Variants in CAMK1D observed in about 807,000 individuals in gnomAD.
CAMK1D encodes the protein calcium/calmodulin-dependent protein kinase type 1D.
A neutral mutation model predicts 47.7 loss-of-function variants in CAMK1D; 9 were observed. The ratio of observed to expected loss-of-function variants is 0.19; its 90% CI spans 0.11 to 0.33. The LOEUF (loss-of-function observed/expected upper bound fraction) is 0.33, where lower values mean the gene tolerates loss of function less well. CAMK1D is among the 10% of genes least tolerant of loss of function. CAMK1D has a pLI of 1.00. For missense variants in CAMK1D, 291 were observed against 488.7 expected (o/e 0.60, Z 3.81); for synonymous variants, 184 against 184.9 (o/e 0.99, Z 0.04).
chr10:12,513,415 A>G lies in CAMK1D; in HGVS notation c.93-39810A>G, dbSNP rs76696646. Among the ~76,000 whole-genome samples, 461 of 152,282 alleles carry G rather than the reference A, an allele frequency of 3.0e-3. 1 individual carries two copies. The highest frequency in any genetic ancestry group is 6.8e-3 in the Middle Eastern group (2 of 294). On this transcript the variant is annotated intron_variant, in intron 1 of 10. Coordinates refer to ENST00000619168, the MANE Select transcript of CAMK1D (RefSeq NM_153498.4). ...AACCTGTAGTTGGTCAAGTCATACAATGTGCAGTGGGCCTATAAAGTAAGG... is the reference window on the plus strand; with the variant it reads ...AACCTGTAGTTGGTCAAGTCATACAGTGTGCAGTGGGCCTATAAAGTAAGG...
intron 3 of CAMK1D, among the ~76,000 whole-genome samples, chr10:12,712,398 G>A (rs1833971254): frequency 6.6e-6 from 1 of 152,202 alleles, no homozygotes; most frequent in African/African-American, 2.4e-5. Flanking sequence ...GGTGAAGAAG[G>A]GTGTCTTAGC....
chr10:12,456,806 G>A (rs1175128284), intron 1 of CAMK1D, among the ~76,000 whole-genome samples: 2 of 137,138 alleles, frequency 1.5e-5, no homozygotes, highest in East Asian at 2.2e-4. Flanking sequence ...CCTTTTTATA[G>A]CACCTAACAG....
intron 2 of CAMK1D, among the ~76,000 whole-genome samples, chr10:12,631,933 C>G (rs1383605530): frequency 6.6e-6 from 1 of 152,192 alleles, no homozygotes; most frequent in Non-Finnish European, 1.5e-5. Context: ...CTCTTCCCAG[C>G]CCTGGCACAC....
chr10:12,776,710 A>G (rs1412063625), intron 5 of CAMK1D, among the ~76,000 whole-genome samples: 1 of 129,938 alleles, frequency 7.7e-6, no homozygotes, highest in African/African-American at 2.6e-5. Flanking sequence ...TAACCCACCG[A>G]TTTTCTCTGA....
At chr10:12,373,466 T>G (rs1838065382) in intron 1 of CAMK1D, among the ~76,000 whole-genome samples, 1 of 151,822 alleles carries the variant, frequency 6.6e-6, no homozygotes, top group African/African-American at 2.4e-5. Flanking sequence ...ACCCCGTCTC[T>G]ACTAAAGATG....
intron 1 of CAMK1D, among the ~76,000 whole-genome samples, chr10:12,536,545 C>G (rs973338194): frequency 6.6e-6 from 1 of 152,216 alleles, no homozygotes; most frequent in Non-Finnish European, 1.5e-5. Flanking sequence ...TCCCACAGTG[C>G]TGGGATTACA....
chr10:12,366,906 A>G (rs1346487130), intron 1 of CAMK1D, among the ~76,000 whole-genome samples: 1 of 152,128 alleles, frequency 6.6e-6, no homozygotes, highest in African/African-American at 2.4e-5. Flanking sequence ...AGTCTTCGTG[A>G]GCACAGTGGG....
chr10:12,642,048 T>TAAAAA, intron 2 of CAMK1D, among the ~76,000 whole-genome samples: 1 of 133,302 alleles, frequency 7.5e-6, no homozygotes, highest in African/African-American at 2.8e-5. Flanking sequence ...TTTCTCAGAA[T>TAAAAA]AAAAAAAAAA....
rs1271006654 is a variant in CAMK1D at position 12,834,867 on chromosome 10, G to A, written c.*5980G>A. On this transcript the variant is annotated 3_prime_UTR_variant, in exon 11 of 11. Transcript: ENST00000619168. Reference sequence around the variant, plus strand: ...TGCACTTCAGGGCACAGGGGCCCTGGGACGTGGTTGGCAGCCAGGCTGCGA... The same window carrying A: ...TGCACTTCAGGGCACAGGGGCCCTGAGACGTGGTTGGCAGCCAGGCTGCGA... The A allele has an allele frequency of 3.3e-5, 5 of 152,130 alleles. No individual in the cohort carries two copies. The allele number at this position is 152,130 out of a possible 1,614,324, so 9.4% of individuals were successfully genotyped here. A position where few individuals can be genotyped will look rare whatever the true frequency, so the allele number is the denominator to read the frequency against.
chr10:12,389,932 A>G (rs1458640151), intron 1 of CAMK1D, among the ~76,000 whole-genome samples: 2 of 152,090 alleles, frequency 1.3e-5, no homozygotes, highest in African/African-American at 4.8e-5. Flanking sequence ...TGAGCCTCAA[A>G]GAGAAGGCTA....
At chr10:12,828,143 C>T (rs1833322972) in intron 10 of CAMK1D, among the ~76,000 whole-genome samples, 1 of 152,192 alleles carries the variant, frequency 6.6e-6, no homozygotes, top group African/African-American at 2.4e-5. Flanking sequence ...ATGTAGTCAA[C>T]ACTAGCCTGG....
At chr10:12,523,952 C>T (rs11257852) in intron 1 of CAMK1D, among the ~76,000 whole-genome samples, 77,148 of 151,368 alleles carry the variant, frequency 0.51, 19,834 homozygotes, top group South Asian at 0.62. Flanking sequence ...CCAGGCTTGG[C>T]GCGATCTCGG....
chr10:12,770,470 G>T (rs148918829), intron 5 of CAMK1D, among the ~76,000 whole-genome samples: 4 of 152,170 alleles, frequency 2.6e-5, no homozygotes, highest in Non-Finnish European at 5.9e-5. Flanking sequence ...TGACATCAGC[G>T]TATTCATGCA....
chr10:12,473,227 G>A (rs374252092), intron 1 of CAMK1D, among the ~76,000 whole-genome samples: 1 of 152,108 alleles, frequency 6.6e-6, no homozygotes, highest in African/African-American at 2.4e-5. Context: ...AGTTGCACTT[G>A]GAAAAAGTAG....
intron 1 of CAMK1D, among the ~76,000 whole-genome samples, chr10:12,550,134 C>T (rs1836530734): frequency 6.6e-6 from 1 of 152,174 alleles, no homozygotes; most frequent in South Asian, 2.1e-4. Flanking sequence ...TGGCTGTGGT[C>T]ACTGCTGCCA....
intron 1 of CAMK1D, among the ~76,000 whole-genome samples, chr10:12,410,229 A>G (rs1209661045): frequency 6.6e-6 from 1 of 152,218 alleles, no homozygotes; most frequent in Non-Finnish European, 1.5e-5. Context: ...ATTTTGAACA[A>G]GATGATGGTG....
chr10:12,600,020 A>G (rs1032123606), intron 2 of CAMK1D, among the ~76,000 whole-genome samples: 1 of 152,170 alleles, frequency 6.6e-6, no homozygotes, highest in Non-Finnish European at 1.5e-5. Context: ...CAGGAGGATC[A>G]CTTGAGCTCA....
At chr10:12,806,750 T>G (rs1838747699) in intron 6 of CAMK1D, among the ~76,000 whole-genome samples, 1 of 152,224 alleles carries the variant, frequency 6.6e-6, no homozygotes, top group Non-Finnish European at 1.5e-5. Flanking sequence ...AGGGGCTTGC[T>G]GGCACACAAA....
At chr10:12,452,498 TTGTATA>T (rs1383562802) in intron 1 of CAMK1D, among the ~76,000 whole-genome samples, 2 of 151,938 alleles carry the variant, frequency 1.3e-5, no homozygotes, top group Middle Eastern at 3.2e-3. Flanking sequence ...ATACATTTAT[TTGTATA>T]TGTATTTGTA....
Sources: allele counts gnomAD v4.1 joint callset (sites outside exome capture counted in the v4.1 genomes callset), GRCh38; gene constraint gnomAD v4.1.1; transcripts MANE v1.5; gene names NCBI Gene and HGNC (gene_info 2026-07-23, HGNC 2026-07-21).